HAUS2: variants seen among roughly 807,000 people sequenced by gnomAD.
HAUS2 encodes HAUS augmin like complex subunit 2.
HAUS2 carries 20 observed loss-of-function variants against 21.6 expected under a neutral mutation model. The ratio of observed to expected loss-of-function variants is 0.93; its 90% confidence interval spans 0.65 to 1.35. HAUS2 has a LOEUF of 1.35. Among genes scored for constraint, HAUS2 ranks in the 40% most tolerant of loss-of-function variants. The pLI is 0.00. For synonymous variants in HAUS2, 113 were observed against 95.6 expected (o/e 1.18, Z -1.06); for missense variants, 297 against 280.7 (o/e 1.06, Z -0.42).
chr15:42,556,539 G>C (rs925279090), intron 1 of HAUS2, among the ~76,000 whole-genome samples: 7 of 151,678 alleles, frequency 4.6e-5, no homozygotes. Flanking sequence ...TCGGGATTAC[G>C]GGCATGAGCC....
chr15:42,552,657 T>TG, intron 1 of HAUS2, among the ~76,000 whole-genome samples: 1 of 152,186 alleles, frequency 6.6e-6, no homozygotes, highest in South Asian at 2.1e-4. Flanking sequence ...CCTTACATTC[T>TG]AGATATTTTT....
chr15:42,549,659 C>T (rs2057700017), intron 1 of HAUS2, among the ~76,000 whole-genome samples: 1 of 149,484 alleles, frequency 6.7e-6, no homozygotes. Flanking sequence ...CCTTGTAAGC[C>T]AGGATGGTCC....
At chr15:42,558,104 A>G in intron 1 of HAUS2, 94 bp from the exon 2 acceptor site, 1 of 642,074 alleles carries the variant, frequency 1.6e-6, no homozygotes, top group East Asian at 3.0e-5. Context: ...TGAACATAAT[A>G]TTTTCTCATA....
chr15:42,557,247 C>G (rs2057788058), intron 1 of HAUS2, among the ~76,000 whole-genome samples: 2 of 136,736 alleles, frequency 1.5e-5, no homozygotes, highest in Non-Finnish European at 3.1e-5. Context: ...ACCCAGGAGG[C>G]AGAGCTTGCA....
chr15:42,561,884 C>G (rs112902927), intron 4 of HAUS2, among the ~76,000 whole-genome samples: 347 of 152,130 alleles, frequency 2.3e-3, no homozygotes, highest in African/African-American at 7.0e-3. Flanking sequence ...CTTAGTTTCC[C>G]AATAAATAGA....
chr15:42,550,271 A>T (rs1401957839), intron 1 of HAUS2, among the ~76,000 whole-genome samples: 1 of 134,386 alleles, frequency 7.4e-6, no homozygotes, highest in Non-Finnish European at 1.6e-5. Flanking sequence ...ACAGAGTGAG[A>T]CCCTGTCTCA....
chr15:42,557,897 A>G lies in HAUS2; in HGVS notation c.94-301A>G, dbSNP rs1017710983. On this transcript the variant is annotated intron_variant, in intron 1 of 5. Transcript: ENST00000260372. ...GATTCTCCAACAAATTTAGCCTTTGAATCCTTTGATAAACTATCAGTAATA... is the reference window on the plus strand; with the variant it reads ...GATTCTCCAACAAATTTAGCCTTTGGATCCTTTGATAAACTATCAGTAATA... Among the ~76,000 whole-genome samples the G allele has an allele frequency of 3.9e-5, 6 of 152,274 alleles. 1 individual carries two copies. The highest frequency in any genetic ancestry group is 6.5e-5 in the Admixed American group (1 of 15,278).
chr15:42,561,878 G>A (rs896934365), intron 4 of HAUS2, among the ~76,000 whole-genome samples: 11 of 152,062 alleles, frequency 7.2e-5, no homozygotes, highest in African/African-American at 2.4e-4. Flanking sequence ...TTTTGCCTTA[G>A]TTTCCCAATA....
Position 42,566,701 on chromosome 15 carries a change from C to A in HAUS2, c.593C>A (p.Ser198Ter). The A allele has an allele frequency of 6.3e-7, 1 of 1,584,736 alleles. No homozygotes were observed. Residue 198 changes from serine to a stop codon, truncating the protein, a stop_gained, in exon 6 of 6, where the codon TCG becomes TAG. Coordinates refer to ENST00000260372, the MANE Select transcript of HAUS2 (RefSeq NM_018097.3). LOFTEE classifies it low-confidence loss of function (END_TRUNC). ...LKWRKQQNEV[S>*]SCIPKILAEE... ...TGGCGTAAACAACAAAACGAAGTTT[C>A]GTCTTGTATCCCCAAAATATTAGCT...
intron 4 of HAUS2, chr15:42,561,780 C>T (rs534767932): frequency 1.1e-5 from 2 of 188,358 alleles, no homozygotes; most frequent in Non-Finnish European, 2.2e-5. Flanking sequence ...CAGATGAAAA[C>T]ACTATCAACT....
chr15:42,557,832 T>G (rs1233896588), intron 1 of HAUS2, among the ~76,000 whole-genome samples: 3 of 152,036 alleles, frequency 2.0e-5, no homozygotes, highest in African/African-American at 7.2e-5. Context: ...CCCCGGAAGC[T>G]CTGAGAGACT....
intron 3 of HAUS2, among the ~76,000 whole-genome samples, chr15:42,560,410 GAA>G (rs1491367097): frequency 6.6e-6 from 1 of 151,654 alleles, no homozygotes; most frequent in Non-Finnish European, 1.5e-5. Context: ...GAGAGAGAGA[GAA>G]GAGAGAGAAA....
chr15:42,555,084 G>T (rs1032731656), intron 1 of HAUS2, among the ~76,000 whole-genome samples: 16 of 151,674 alleles, frequency 1.1e-4, no homozygotes, highest in Admixed American at 8.5e-4. Context: ...TCGCCTCCTG[G>T]GTTCAAGCGA....
chr15:42,558,314 C>CTTTTTT (rs547363768), intron 2 of HAUS2, 24 bp downstream of exon 2: 515 of 375,450 alleles, frequency 1.4e-3, no homozygotes, highest in East Asian at 2.6e-3. Context: ...TTTTCACTTT[C>CTTTTTT]TTTTTTTTTT....
chr15:42,564,922 G>A (rs1166363936), intron 5 of HAUS2, among the ~76,000 whole-genome samples: 20 of 152,316 alleles, frequency 1.3e-4, no homozygotes, highest in African/African-American at 3.8e-4. Flanking sequence ...TGCAACCTCC[G>A]CCTCTTGGGT....
intron 1 of HAUS2, among the ~76,000 whole-genome samples, chr15:42,554,349 T>C (rs1201531140): frequency 6.6e-6 from 1 of 152,120 alleles, no homozygotes; most frequent in East Asian, 1.9e-4. Flanking sequence ...TGTCTTAAAA[T>C]GTACACTTCA....
chr15:42,560,889 G>T, intron 3 of HAUS2: 1 of 699,240 alleles, frequency 1.4e-6, no homozygotes, highest in Non-Finnish European at 2.6e-6. Context: ...TAGAGCACCA[G>T]CTAAGGTGAC....
At chr15:42,564,899 A>G (rs747905002) in intron 5 of HAUS2, among the ~76,000 whole-genome samples, 1 of 152,232 alleles carries the variant, frequency 6.6e-6, no homozygotes, top group Non-Finnish European at 1.5e-5. Flanking sequence ...GCAATGGCAC[A>G]ATCTCGGCTC....
chr15:42,563,728 A>C (rs1349223512), intron 4 of HAUS2, 21 bp from the exon 5 acceptor site: 10 of 1,196,750 alleles, frequency 8.4e-6, no homozygotes, highest in Non-Finnish European at 1.2e-5. Context: ...AAAATGGTTG[A>C]CTTTTTTCTT....
Sources: allele counts gnomAD v4.1 joint callset (sites outside exome capture counted in the v4.1 genomes callset), GRCh38; gene constraint gnomAD v4.1.1; transcripts MANE v1.5; gene names NCBI Gene and HGNC (gene_info 2026-07-23, HGNC 2026-07-21).